Variants in FAM110B observed in about 807,000 individuals in gnomAD.
The protein encoded by FAM110B is protein FAM110B.
A neutral mutation model predicts 20.4 loss-of-function variants in FAM110B; 6 were observed. That is an observed-to-expected ratio of 0.29 (90% confidence interval 0.16 to 0.58). FAM110B has a LOEUF of 0.58. Among genes scored for constraint, FAM110B ranks in the 20% least tolerant of loss-of-function variants. FAM110B has a pLI of 0.90. For synonymous variants in FAM110B, 226 were observed against 214.1 expected (o/e 1.06, Z -0.49); for missense variants, 434 against 498.2 (o/e 0.87, Z 1.23).
chr8:58,100,959 G>C (rs1806764688), intron 3 of FAM110B: 1 of 152,138 alleles, frequency 6.6e-6, no homozygotes. Flanking sequence ...GGATCACGAG[G>C]TCAGGAGATC....
chr8:58,110,285 A>G (rs1807028644), intron 3 of FAM110B, among the ~76,000 whole-genome samples: 1 of 152,216 alleles, frequency 6.6e-6, no homozygotes, highest in African/African-American at 2.4e-5. Context: ...AGAAAGTACT[A>G]CTAAATGCTA....
At chr8:58,137,734 G>A (rs1002841569) in intron 3 of FAM110B, among the ~76,000 whole-genome samples, 35 of 152,174 alleles carry the variant, frequency 2.3e-4, no homozygotes, top group Non-Finnish European at 2.6e-4. Flanking sequence ...AACTTGCTCA[G>A]GGTCAAGTGT....
intron 3 of FAM110B, among the ~76,000 whole-genome samples, chr8:58,111,024 GAATA>G (rs1193832702): frequency 6.6e-6 from 1 of 152,114 alleles, no homozygotes; most frequent in African/African-American, 2.4e-5. Flanking sequence ...TGACTTGATT[GAATA>G]TTGTTTGTTC....
At chr8:58,091,843 A>T (rs1361882309) in intron 3 of FAM110B, among the ~76,000 whole-genome samples, 1 of 152,200 alleles carries the variant, frequency 6.6e-6, no homozygotes, top group African/African-American at 2.4e-5. Flanking sequence ...GCCTGTTACC[A>T]TGGAGACAGC....
At chr8:58,010,695 G>A (rs1448666331) in intron 1 of FAM110B, among the ~76,000 whole-genome samples, 2 of 152,202 alleles carry the variant, frequency 1.3e-5, no homozygotes, top group African/African-American at 2.4e-5. Context: ...TGTGTGTAGG[G>A]TGCTGGACTG....
intron 1 of FAM110B, among the ~76,000 whole-genome samples, chr8:58,002,718 G>A (rs1171130566): frequency 6.6e-6 from 1 of 152,182 alleles, no homozygotes; most frequent in Non-Finnish European, 1.5e-5. Flanking sequence ...TATTAAGTGT[G>A]CAATAGCATT....
At position 58,105,949 on chromosome 8, in the gene FAM110B, C is replaced by T. The variant is rs150848177; in HGVS notation, c.-325+30326C>T. ...TCCTATATTCAGATGCCTTTTTCAA[C>T]TTTGAATGTTTATGCAAAGCTTGGG... On this transcript the variant is annotated intron_variant, in intron 3 of 3. Coordinates refer to ENST00000519262, the MANE Select transcript of FAM110B (RefSeq NM_001377989.1). Among the ~76,000 whole-genome samples, 978 of 152,190 alleles carry T rather than the reference C, an allele frequency of 6.4e-3. 11 individuals carry two copies. Among genetic ancestry groups the T allele is most frequent in the African/African-American group, 0.022 (913 of 41,534 alleles).
In FAM110B at chr8:58,015,381, ACT is replaced by A. The variant is rs549298080; in HGVS notation, c.-511-16221_-511-16220del. Among the ~76,000 whole-genome samples, 953 of 151,738 alleles carry A rather than the reference ACT, an allele frequency of 6.3e-3. 5 individuals are homozygous for A. Among genetic ancestry groups the A allele is most frequent in the Non-Finnish European group, 0.011 (765 of 67,914 alleles). On this transcript the variant is annotated intron_variant, in intron 1 of 3. Coordinates refer to ENST00000519262, the MANE Select transcript of FAM110B (RefSeq NM_001377989.1). ...CAAAAAAAAAAGACATTAAATTTAC[ACT>A]CTCAGAAAAGGTGACATTAAATTTA...
intron 2 of FAM110B, among the ~76,000 whole-genome samples, chr8:58,074,483 A>G (rs1257794580): frequency 1.3e-5 from 2 of 152,208 alleles, no homozygotes; most frequent in African/African-American, 2.4e-5. Flanking sequence ...CACTGCCTGC[A>G]GGATTTCACT....
At chr8:58,086,040 T>C (rs1036289871) in intron 3 of FAM110B, among the ~76,000 whole-genome samples, 1 of 152,240 alleles carries the variant, frequency 6.6e-6, no homozygotes, top group African/African-American at 2.4e-5. Context: ...TACCTGGTTC[T>C]CACTTGACTG....
intron 1 of FAM110B, among the ~76,000 whole-genome samples, chr8:58,028,446 A>G (rs773240159): frequency 6.6e-6 from 1 of 152,032 alleles, no homozygotes; most frequent in African/African-American, 2.4e-5. Context: ...TAGCCATCTT[A>G]TTTGGTATGT....
intron 2 of FAM110B, among the ~76,000 whole-genome samples, chr8:58,059,024 G>T (rs1440437828): frequency 1.3e-5 from 2 of 152,128 alleles, no homozygotes; most frequent in African/African-American, 4.8e-5. Flanking sequence ...TTGTATTAAA[G>T]CAAATGGAAT....
chr8:58,072,306 A>G (rs1805919216), intron 2 of FAM110B, among the ~76,000 whole-genome samples: 1 of 152,192 alleles, frequency 6.6e-6, no homozygotes, highest in African/African-American at 2.4e-5. Context: ...AAGTAGCTCT[A>G]AGTGATGTCA....
chr8:58,133,205 G>GTTTTTTTT (rs59489059), intron 3 of FAM110B, among the ~76,000 whole-genome samples: 2 of 140,134 alleles, frequency 1.4e-5, no homozygotes, highest in African/African-American at 2.6e-5. Flanking sequence ...GCTCGATTTT[G>GTTTTTTTT]TTTTTTTTTT....
chr8:58,134,822 C>T (rs1043823602), intron 3 of FAM110B, among the ~76,000 whole-genome samples: 4 of 152,142 alleles, frequency 2.6e-5, no homozygotes, highest in African/African-American at 9.7e-5. Context: ...AAACATTTTA[C>T]CTTCTTTTTT....
chr8:58,070,476 C>T (rs1805871856), intron 2 of FAM110B: 1 of 152,192 alleles, frequency 6.6e-6, no homozygotes, highest in Non-Finnish European at 1.5e-5. Flanking sequence ...TCTGATCTTG[C>T]TTTGTTAATA....
chr8:58,066,491 G>GAAAC (rs1805764962), intron 2 of FAM110B, among the ~76,000 whole-genome samples: 3 of 152,196 alleles, frequency 2.0e-5, no homozygotes. Flanking sequence ...GTTTCAGTCT[G>GAAAC]TTCCAGGCCA....
intron 3 of FAM110B, among the ~76,000 whole-genome samples, chr8:58,109,664 G>A (rs917664719): frequency 6.6e-6 from 1 of 152,152 alleles, no homozygotes; most frequent in Non-Finnish European, 1.5e-5. Flanking sequence ...ACAGGAAAAC[G>A]AGGCCAGGAA....
intron 3 of FAM110B, among the ~76,000 whole-genome samples, chr8:58,079,094 C>A (rs1273265036): frequency 6.6e-6 from 1 of 152,118 alleles, no homozygotes; most frequent in African/African-American, 2.4e-5. Flanking sequence ...TTGCCTCTCC[C>A]CAGATCAGCT....
Sources: allele counts gnomAD v4.1 joint callset (sites outside exome capture counted in the v4.1 genomes callset), GRCh38; gene constraint gnomAD v4.1.1; transcripts MANE v1.5; gene names NCBI Gene and HGNC (gene_info 2026-07-23, HGNC 2026-07-21).